Variants in ERI3 observed in about 807,000 individuals in gnomAD.
ERI3 encodes ERI1 exoribonuclease 3.
ERI3 carries 18 observed loss-of-function variants against 44.4 expected under a neutral mutation model. The observed-to-expected ratio is 0.41, with a 90% CI of 0.28 to 0.60. ERI3 has a LOEUF of 0.60. ERI3 is among the 20% of genes least tolerant of loss of function. ERI3 has a pLI of 0.36. For missense variants in ERI3, 294 were observed against 435.5 expected (o/e 0.68, Z 2.89); for synonymous variants, 183 against 164.8 (o/e 1.11, Z -0.84).
chr1:44,336,120 T>C (rs1487468578), intron 3 of ERI3, among the ~76,000 whole-genome samples: 1 of 152,228 alleles, frequency 6.6e-6, no homozygotes, highest in Non-Finnish European at 1.5e-5. Context: ...TAATGATTTG[T>C]GGTCCAATTC....
intron 2 of ERI3, 123 bp downstream of exon 2, chr1:44,352,727 T>C (rs1282892112): frequency 3.9e-6 from 4 of 1,018,836 alleles, no homozygotes; most frequent in East Asian, 2.4e-5. Context: ...ATATGATTCG[T>C]TTAGACTTTG....
chr1:44,247,830 T>C, intron 8 of ERI3, 109 bp downstream of exon 8: 1 of 760,578 alleles, frequency 1.3e-6, no homozygotes, highest in Non-Finnish European at 2.1e-6. Context: ...TAGAGAGCCC[T>C]GTTGGGGCAC....
At position 44,275,917 on chromosome 1, in the gene ERI3, A is replaced by AT. The variant is rs199520260; in HGVS notation, c.831+8917dup. 6.1e-3 allele frequency among the ~76,000 whole-genome samples: 934 copies of AT among 152,284 alleles called. 45 individuals carry two copies. Among genetic ancestry groups the AT allele is most frequent in the Admixed American group, 0.055 (834 of 15,288 alleles). Reference sequence around the variant, plus strand: ...GAGGATGGGTAATTTATTTTAAAAAATCGTTTGTTTGGCTCATGATTCTGA... The same window carrying AT: ...GAGGATGGGTAATTTATTTTAAAAAATTCGTTTGTTTGGCTCATGATTCTGA... On this transcript the variant is annotated intron_variant, in intron 7 of 8. Coordinates refer to ENST00000372257, the MANE Select transcript of ERI3 (RefSeq NM_024066.3).
chr1:44,278,083 A>T (rs774621570), intron 7 of ERI3, among the ~76,000 whole-genome samples: 3 of 152,206 alleles, frequency 2.0e-5, no homozygotes, highest in Non-Finnish European at 2.9e-5. Context: ...CAATACAGAA[A>T]ATTACGAGAC....
chr1:44,310,463 T>C lies in ERI3; in HGVS notation c.667-2062A>G, dbSNP rs369049678. Reference sequence around the variant, plus strand: ...CAGCATAGGATCTACTCAAGAGATATTTGCTGACTGACTGAAAACATGAGT... The same window carrying C: ...CAGCATAGGATCTACTCAAGAGATACTTGCTGACTGACTGAAAACATGAGT... On this transcript the variant is annotated intron_variant, in intron 5 of 8. Coordinates refer to ENST00000372257, the MANE Select transcript of ERI3 (RefSeq NM_024066.3). Among the ~76,000 whole-genome samples, 6 of 152,324 alleles carry C rather than the reference T, an allele frequency of 3.9e-5. No individual in the cohort carries two copies. The South Asian group carries it at 6.2e-4, about 16-fold the overall frequency.
At chr1:44,222,654 G>C (rs1643930428) in intron 8 of ERI3, among the ~76,000 whole-genome samples, 1 of 152,100 alleles carries the variant, frequency 6.6e-6, no homozygotes, top group African/African-American at 2.4e-5. Flanking sequence ...AGAAGCCTAG[G>C]AGAGAAACAG....
intron 8 of ERI3, chr1:44,242,125 C>T: frequency 1.0e-6 from 1 of 985,764 alleles, no homozygotes; most frequent in Non-Finnish European, 1.2e-6. Context: ...CCATCCATCT[C>T]CCTAGCTTCT....
rs546858234 is a variant in ERI3, at chr1:44,231,562, T to A, written c.932-9922A>T. ...TTTTTTTGTGTGTGTACATATGGGG[T>A]CTTGCTATGTTACCAAGGCTGGTTC... is the stretch of plus-strand genomic sequence containing the variant. On this transcript the variant is annotated intron_variant, in intron 8 of 8. Transcript: ENST00000372257. Among the ~76,000 whole-genome samples, 4 of 151,844 alleles carry A rather than the reference T, an allele frequency of 2.6e-5. No individual in the cohort carries two copies. In the South Asian group the frequency reaches 8.3e-4, roughly 32 times the overall value.
chr1:44,304,164 T>C (rs1645784082), intron 6 of ERI3, among the ~76,000 whole-genome samples: 1 of 152,048 alleles, frequency 6.6e-6, no homozygotes, highest in African/African-American at 2.4e-5. Context: ...GTAGAGTAGG[T>C]AGCTGGATAC....
chr1:44,310,115 T>C (rs1239771747), intron 5 of ERI3, among the ~76,000 whole-genome samples: 1 of 152,098 alleles, frequency 6.6e-6, no homozygotes, highest in Non-Finnish European at 1.5e-5. Flanking sequence ...GGTAATAGGC[T>C]GAGAAGGGGA....
intron 6 of ERI3, among the ~76,000 whole-genome samples, chr1:44,302,447 A>C (rs753645508): frequency 2.0e-5 from 3 of 152,238 alleles, no homozygotes; most frequent in Non-Finnish European, 2.9e-5. Context: ...CAACTGGTAC[A>C]CCTGTGGGCA....
chr1:44,252,569 G>A lies in ERI3; in HGVS notation c.832-4531C>T, dbSNP rs1302869564. Among the ~76,000 whole-genome samples the A allele has an allele frequency of 1.3e-5, 2 of 152,236 alleles. No homozygotes were observed. Among genetic ancestry groups the A allele is most frequent in the East Asian group, 3.9e-4 (2 of 5,194 alleles). ...ATTACATTGCTGGGCCCGCGAAATG[G>A]AATCGTGTATAATCAGCCTCCTCCA... On this transcript the variant is annotated intron_variant, in intron 7 of 8. Transcript: ENST00000372257. This position sits in a 1 kb window ranked among gnomAD's most constrained non-coding sequence, Gnocchi z 4.7.
chr1:44,352,053 T>A (rs893803063), intron 2 of ERI3, among the ~76,000 whole-genome samples: 2 of 152,202 alleles, frequency 1.3e-5, no homozygotes, highest in African/African-American at 4.8e-5. Flanking sequence ...CTCTATGGTG[T>A]CAGGGAAGGT....
chr1:44,221,452 GAC>G lies in ERI3; in HGVS notation c.*104_*105del. 1 of 959,628 alleles carries G rather than the reference GAC, an allele frequency of 1.0e-6. No homozygotes were observed. Among genetic ancestry groups the G allele is most frequent in the Non-Finnish European group, 1.6e-6 (1 of 615,428 alleles). The allele number at this position is 959,628 out of a possible 1,614,324, so 59.4% of individuals were successfully genotyped here. Reference sequence around the variant, plus strand: ...CCACAGGGCAGCTGGGGACACTCTGGACACAGAGCTATGCCACTCTCCCTCTT... The same window carrying G: ...CCACAGGGCAGCTGGGGACACTCTGGACAGAGCTATGCCACTCTCCCTCTT... On this transcript the variant is annotated 3_prime_UTR_variant, in exon 9 of 9. Coordinates refer to ENST00000372257, the MANE Select transcript of ERI3 (RefSeq NM_024066.3). This position sits in a 1 kb window ranked among gnomAD's most constrained non-coding sequence, Gnocchi z 5.9.
chr1:44,245,274 C>G (rs904760805), intron 8 of ERI3, among the ~76,000 whole-genome samples: 16 of 152,212 alleles, frequency 1.1e-4, no homozygotes, highest in Non-Finnish European at 2.9e-5. Context: ...AATTAATGCC[C>G]TGCATCCTCC....
At chr1:44,259,597 T>C (rs1644846210) in intron 7 of ERI3, among the ~76,000 whole-genome samples, 1 of 151,842 alleles carries the variant, frequency 6.6e-6, no homozygotes. Flanking sequence ...ATCCCAGCAC[T>C]GTGGGAGGCT....
intron 8 of ERI3, among the ~76,000 whole-genome samples, chr1:44,229,813 C>T (rs2154315760): frequency 6.6e-6 from 1 of 152,252 alleles, no homozygotes; most frequent in Non-Finnish European, 1.5e-5. Context: ...TGGCCTGGCC[C>T]TAATGCTGCC....
intron 7 of ERI3, among the ~76,000 whole-genome samples, chr1:44,265,688 A>G (rs1034883176): frequency 6.6e-6 from 1 of 152,234 alleles, no homozygotes; most frequent in African/African-American, 2.4e-5. Context: ...ATACAATGAA[A>G]TATTATTTGG....
intron 7 of ERI3, among the ~76,000 whole-genome samples, chr1:44,270,126 G>A (rs1209317078): frequency 6.6e-6 from 1 of 152,112 alleles, no homozygotes; most frequent in African/African-American, 2.4e-5. Flanking sequence ...AGGGTCTAGA[G>A]TAGCAACAGC....
Sources: gnomAD v4.1 joint callset for allele counts (sites outside exome capture counted in the v4.1 genomes callset) on GRCh38, gnomAD v4.1.1 for gene constraint, Gnocchi (gnomAD v3.1) non-coding constraint, MANE v1.5 for transcripts, NCBI Gene and HGNC (gene_info 2026-07-23, HGNC 2026-07-21) for gene names.